SYNJ2: variants seen among roughly 807,000 people sequenced by gnomAD.
SYNJ2 encodes polyphosphatidylinositol phosphatase SYNJ2.
Under a neutral mutation model 141.3 loss-of-function variants are expected in SYNJ2, and 116 were observed. That is an observed-to-expected ratio of 0.82 (90% CI 0.71 to 0.96). The LOEUF (loss-of-function observed/expected upper bound fraction) is 0.96, where lower values mean the gene tolerates loss of function less well. Ranked by LOEUF, SYNJ2 falls within the 40% of genes least tolerant of loss-of-function variation. The pLI is 0.00. For missense variants in SYNJ2, 1,873 were observed against 1,934.8 expected (o/e 0.97, Z 0.60); for synonymous variants, 745 against 777.7 (o/e 0.96, Z 0.70).
chr6:158,029,094 A>T, intron 3 of SYNJ2, 68 bp downstream of exon 3: 9 of 640,100 alleles, frequency 1.4e-5, no homozygotes, highest in Non-Finnish European at 1.9e-5. Flanking sequence ...CCTGGTTGGC[A>T]TCTGAGGCCT....
At chr6:158,045,506 T>A (rs1393573439) in intron 5 of SYNJ2, among the ~76,000 whole-genome samples, 1 of 152,174 alleles carries the variant, frequency 6.6e-6, no homozygotes, top group African/African-American at 2.4e-5. Flanking sequence ...CCTCCTGTAT[T>A]GCACTGCTGC....
chr6:158,090,148 T>G (rs1783344756), intron 25 of SYNJ2, among the ~76,000 whole-genome samples: 1 of 152,220 alleles, frequency 6.6e-6, no homozygotes, highest in Non-Finnish European at 1.5e-5. Flanking sequence ...AAATTCTGTG[T>G]GTATATAAAA....
In SYNJ2 at chr6:158,043,474, ATTTCT is replaced by A; in HGVS notation, c.795+79_795+83del. Reference sequence around the variant, plus strand: ...CCCTTCCCTTCAATAGCTGGGGAAGATTTCTTTTAACACGTTCGTTTCATGGCATA... The same window carrying A: ...CCCTTCCCTTCAATAGCTGGGGAAGATTTAACACGTTCGTTTCATGGCATA... On this transcript the variant is annotated intron_variant, in intron 5 of 26. Coordinates refer to ENST00000355585, the MANE Select transcript of SYNJ2 (RefSeq NM_003898.4). This position sits in a 1 kb window ranked among gnomAD's most constrained non-coding sequence, Gnocchi z 4.0. 1 of 1,092,540 alleles carries A rather than the reference ATTTCT, an allele frequency of 9.2e-7. No individual in the cohort carries two copies. The highest frequency in any genetic ancestry group is 1.4e-6 in the Non-Finnish European group (1 of 727,990). 67.7% of individuals were successfully genotyped at this position (1,092,540 alleles called of 1,614,324 possible).
chr6:158,015,756 A>G (rs575969574), intron 1 of SYNJ2, among the ~76,000 whole-genome samples: 58 of 152,234 alleles, frequency 3.8e-4, no homozygotes, highest in Non-Finnish European at 6.8e-4. Flanking sequence ...TAAGGCACAT[A>G]TATTGCTATA....
intron 1 of SYNJ2, among the ~76,000 whole-genome samples, chr6:157,983,393 G>A (rs1777083371): frequency 6.6e-6 from 1 of 152,108 alleles, no homozygotes. Context: ...TATTTGGTGT[G>A]GCCTTGAAAG....
intron 1 of SYNJ2, among the ~76,000 whole-genome samples, chr6:158,015,540 C>T (rs1778421477): frequency 1.3e-5 from 2 of 152,164 alleles, no homozygotes; most frequent in African/African-American, 2.4e-5. Flanking sequence ...AGGCAGGCAA[C>T]AAAACCAGTA....
At chr6:158,044,946 C>T (rs1780155775) in intron 5 of SYNJ2, among the ~76,000 whole-genome samples, 1 of 151,910 alleles carries the variant, frequency 6.6e-6, no homozygotes, top group Non-Finnish European at 1.5e-5. Flanking sequence ...GAGTGTGGCA[C>T]AAAAAGGAGA....
chr6:158,073,011 A>T (rs1782032654), intron 15 of SYNJ2, among the ~76,000 whole-genome samples: 1 of 150,754 alleles, frequency 6.6e-6, no homozygotes. Context: ...CAGAGGTTGC[A>T]GTGAGCTGAG....
intron 15 of SYNJ2, among the ~76,000 whole-genome samples, chr6:158,073,093 C>T (rs13194460): frequency 1.3e-5 from 2 of 149,352 alleles, no homozygotes; most frequent in Non-Finnish European, 1.5e-5. Context: ...AAAAGTGCTA[C>T]TTTGACATAG....
chr6:157,981,935 C>T lies in SYNJ2; in HGVS notation c.-27C>T, dbSNP rs1043911707. 2 of 1,224,662 alleles carry T rather than the reference C, an allele frequency of 1.6e-6. No homozygotes were observed. The highest frequency in any genetic ancestry group is 3.1e-5 in the African/African-American group (2 of 63,996). 75.9% of individuals were successfully genotyped at this position (1,224,662 alleles called of 1,614,324 possible). On this transcript the variant is annotated 5_prime_UTR_variant, in exon 1 of 27. Transcript: ENST00000355585. This position sits in a 1 kb window ranked among gnomAD's most constrained non-coding sequence, Gnocchi z 6.4. ...CGCCCTCGGGAGGACGTGGCCCCGG[C>T]CCCCGCCCGCAGTGGGCCCGACCCT...
intron 1 of SYNJ2, among the ~76,000 whole-genome samples, chr6:158,006,472 G>A (rs986577274): frequency 2.0e-5 from 3 of 152,098 alleles, no homozygotes; most frequent in African/African-American, 7.2e-5. Context: ...TCCTTGAAAC[G>A]CTTTCTTCTC....
At chr6:157,992,032 C>T (rs1263781029) in intron 1 of SYNJ2, among the ~76,000 whole-genome samples, 1 of 152,078 alleles carries the variant, frequency 6.6e-6, no homozygotes, top group African/African-American at 2.4e-5. Context: ...TTATGGGATA[C>T]ATGAGATATT....
intron 5 of SYNJ2, among the ~76,000 whole-genome samples, chr6:158,047,389 G>C (rs1389689432): frequency 6.6e-6 from 1 of 152,126 alleles, no homozygotes; most frequent in Non-Finnish European, 1.5e-5. Context: ...GTGTTTGAGA[G>C]GCTCTTATCT....
intron 4 of SYNJ2, among the ~76,000 whole-genome samples, chr6:158,041,551 C>G (rs1308230116): frequency 6.6e-6 from 1 of 152,190 alleles, no homozygotes; most frequent in African/African-American, 2.4e-5. Context: ...GAGGGGCATA[C>G]AGAGCACTGA....
At chr6:158,062,326 C>A in intron 8 of SYNJ2, 162 bp downstream of exon 8, 1 of 811,976 alleles carries the variant, frequency 1.2e-6, no homozygotes, top group Non-Finnish European at 1.5e-6. Context: ...CCTCCCCACT[C>A]AGTTACCCTT....
At chr6:158,045,549 C>T (rs767224005) in intron 5 of SYNJ2, among the ~76,000 whole-genome samples, 7 of 152,086 alleles carry the variant, frequency 4.6e-5, no homozygotes, top group South Asian at 2.1e-4. Context: ...TTGGGGTGCG[C>T]GGGAATATGT....
chr6:158,088,806 G>A (rs1325035150), intron 24 of SYNJ2, 34 bp downstream of exon 24: 3 of 1,512,150 alleles, frequency 2.0e-6, no homozygotes, highest in Admixed American at 1.7e-5. Context: ...AATCCCAAGG[G>A]TTTTGCCCCC....
rs575581958 is a variant in SYNJ2 at position 158,093,964 on chromosome 6, C to T, written c.3744+860C>T. On this transcript the variant is annotated intron_variant, in intron 26 of 26. Transcript: ENST00000355585. Reference sequence around the variant, plus strand: ...AGACATGAGTTTGTAAGGACAGTAGCAGCCCAAAGACTGGCATCTGTAGAC... The same window carrying T: ...AGACATGAGTTTGTAAGGACAGTAGTAGCCCAAAGACTGGCATCTGTAGAC... The T allele has an allele frequency of 6.5e-6, 5 of 765,198 alleles. No homozygotes were observed. In the African/African-American group the frequency reaches 8.5e-5, roughly 13 times the overall value. The allele number at this position is 765,198 out of a possible 1,614,324, so 47.4% of individuals were successfully genotyped here. A position where few individuals can be genotyped will look rare whatever the true frequency, so the allele number is the denominator to read the frequency against.
At chr6:158,075,369 G>A (rs1029877976) in intron 16 of SYNJ2, among the ~76,000 whole-genome samples, 6 of 152,102 alleles carry the variant, frequency 3.9e-5, no homozygotes, top group African/African-American at 1.4e-4. Flanking sequence ...GGCCAGGTGC[G>A]GTGGCTCTTG....
Sources: allele counts gnomAD v4.1 joint callset (sites outside exome capture counted in the v4.1 genomes callset), GRCh38; gene constraint gnomAD v4.1.1; non-coding constraint Gnocchi (gnomAD v3.1); transcripts MANE v1.5; gene names NCBI Gene and HGNC (gene_info 2026-07-23, HGNC 2026-07-21).